The following NETO1 variants were observed in gnomAD, a reference collection of about 807,000 sequenced individuals.
The protein encoded by NETO1 is neuropilin and tolloid like 1.
In NETO1, 26 loss-of-function variants were observed where a neutral mutation model predicts 61.3. The observed-to-expected ratio is 0.42, with a 90% CI of 0.31 to 0.59. The LOEUF (loss-of-function observed/expected upper bound fraction) is 0.59, where lower values mean the gene tolerates loss of function less well. Ranked by LOEUF, NETO1 falls within the 20% of genes least tolerant of loss-of-function variation. The pLI is 0.12. For missense variants in NETO1, 531 were observed against 662.8 expected (o/e 0.80, Z 2.18); for synonymous variants, 225 against 225.8 (o/e 1.00, Z 0.03).
At chr18:72,845,006 C>G (rs1030480238) in intron 4 of NETO1, among the ~76,000 whole-genome samples, 1 of 152,184 alleles carries the variant, frequency 6.6e-6, no homozygotes, top group African/African-American at 2.4e-5. Flanking sequence ...TACGCACATG[C>G]CATGGCGCTC....
intron 7 of NETO1, among the ~76,000 whole-genome samples, chr18:72,776,523 G>A (rs189812935): frequency 6.6e-6 from 1 of 152,292 alleles, no homozygotes; most frequent in Admixed American, 6.5e-5. Context: ...ACTTCTCACT[G>A]TTTTGGAGAC....
chr18:72,800,123 G>C (rs566415373), intron 4 of NETO1, among the ~76,000 whole-genome samples: 1 of 152,348 alleles, frequency 6.6e-6, no homozygotes, highest in East Asian at 1.9e-4. Flanking sequence ...TTTCAGAAGA[G>C]CTTGAGTGTT....
chr18:72,862,753 T>C (rs1049980067), intron 3 of NETO1, among the ~76,000 whole-genome samples: 3 of 151,886 alleles, frequency 2.0e-5, no homozygotes, highest in African/African-American at 4.8e-5. Flanking sequence ...CCTGAGTAGC[T>C]GGGACTACAG....
intron 4 of NETO1, among the ~76,000 whole-genome samples, chr18:72,851,737 TC>T (rs1353241828): frequency 6.6e-6 from 1 of 152,172 alleles, no homozygotes; most frequent in Non-Finnish European, 1.5e-5. Flanking sequence ...AAATCATGTA[TC>T]AGTTAATGGT....
At chr18:72,859,124 G>A (rs1263873825) in intron 3 of NETO1, 50 bp from the exon 4 acceptor site, 1 of 1,505,622 alleles carries the variant, frequency 6.6e-7, no homozygotes. Context: ...ACATCTTCAG[G>A]TTGATGTTTT....
At chr18:72,854,940 T>G (rs2074370603) in intron 4 of NETO1, among the ~76,000 whole-genome samples, 1 of 152,204 alleles carries the variant, frequency 6.6e-6, no homozygotes, top group Admixed American at 6.5e-5. Flanking sequence ...GAGGTAACCG[T>G]TATTGTTTTA....
chr18:72,810,736 C>G (rs1262636690), intron 4 of NETO1, among the ~76,000 whole-genome samples: 1 of 152,128 alleles, frequency 6.6e-6, no homozygotes, highest in African/African-American at 2.4e-5. Context: ...TTCTGTCATT[C>G]AAGAACAAGA....
chr18:72,850,423 A>C (rs867657155), intron 4 of NETO1, among the ~76,000 whole-genome samples: 77 of 152,354 alleles, frequency 5.1e-4, no homozygotes, highest in Non-Finnish European at 2.9e-4. Flanking sequence ...TGGTCTAGAC[A>C]AAGAACACTA....
chr18:72,762,697 A>T (rs2071018512), intron 7 of NETO1, among the ~76,000 whole-genome samples: 1 of 152,164 alleles, frequency 6.6e-6, no homozygotes, highest in East Asian at 1.9e-4. Flanking sequence ...TTAAACCCTC[A>T]TCTATTCCCA....
At chr18:72,836,643 C>A (rs2073758110) in intron 4 of NETO1, among the ~76,000 whole-genome samples, 1 of 152,046 alleles carries the variant, frequency 6.6e-6, no homozygotes, top group Non-Finnish European at 1.5e-5. Context: ...ATTTATATTG[C>A]AAATCGTTTT....
chr18:72,862,165 C>T (rs1381161219), intron 3 of NETO1, among the ~76,000 whole-genome samples: 1 of 152,150 alleles, frequency 6.6e-6, no homozygotes, highest in Non-Finnish European at 1.5e-5. Flanking sequence ...CACCGGGGTG[C>T]CACGGGCATT....
At position 72,772,792 on chromosome 18, in the gene NETO1, GTTCTCTCTCT is replaced by G. The variant is rs1414208600; in HGVS notation, c.868+10876_868+10885del. Among the ~76,000 whole-genome samples the G allele has an allele frequency of 9.3e-4, 38 of 40,668 alleles. 1 individual carries two copies. The highest frequency in any genetic ancestry group is 1.3e-3 in the South Asian group (1 of 744). The allele number at this position is 40,668 out of a possible 152,430, so 26.7% of individuals were successfully genotyped here. A position where few individuals can be genotyped will look rare whatever the true frequency, so the allele number is the denominator to read the frequency against. On this transcript the variant is annotated intron_variant, in intron 7 of 10. Coordinates refer to ENST00000327305, the MANE Select transcript of NETO1 (RefSeq NM_138966.5). ...ATATATATATACAGATCTCTATATAGTTCTCTCTCTCTCTCTCTCTCTCTCTCTCTCTCTA... is the reference window on the plus strand; with the variant it reads ...ATATATATATACAGATCTCTATATAGCTCTCTCTCTCTCTCTCTCTCTCTA...
intron 7 of NETO1, among the ~76,000 whole-genome samples, chr18:72,780,654 T>A (rs935555527): frequency 6.6e-6 from 1 of 152,198 alleles, no homozygotes; most frequent in Non-Finnish European, 1.5e-5. Flanking sequence ...TTCTTTCAAA[T>A]TTTGAATATC....
intron 8 of NETO1, among the ~76,000 whole-genome samples, chr18:72,753,973 G>T (rs1005765687): frequency 4.6e-5 from 7 of 152,146 alleles, no homozygotes; most frequent in African/African-American, 1.7e-4. Context: ...AAGACATACA[G>T]TTATATAAAG....
At chr18:72,781,691 A>G (rs2071746236) in intron 7 of NETO1, among the ~76,000 whole-genome samples, 1 of 152,226 alleles carries the variant, frequency 6.6e-6, no homozygotes, top group Non-Finnish European at 1.5e-5. Flanking sequence ...ACTGTCTAAC[A>G]CACTTAACAT....
chr18:72,775,850 C>G (rs1187266142), intron 7 of NETO1, among the ~76,000 whole-genome samples: 3 of 151,808 alleles, frequency 2.0e-5, no homozygotes, highest in Non-Finnish European at 4.4e-5. Flanking sequence ...TTCAATGAAC[C>G]CTTTTTTTTT....
intron 3 of NETO1, among the ~76,000 whole-genome samples, chr18:72,862,405 C>T (rs1391691776): frequency 6.6e-6 from 1 of 152,192 alleles, no homozygotes; most frequent in Non-Finnish European, 1.5e-5. Context: ...CTCCACTGAG[C>T]TAGAGCTACA....
At chr18:72,819,819 T>G (rs2073137850) in intron 4 of NETO1, among the ~76,000 whole-genome samples, 1 of 152,148 alleles carries the variant, frequency 6.6e-6, no homozygotes, top group Admixed American at 6.5e-5. Flanking sequence ...ATATATACTT[T>G]TTAAATGCAT....
At chr18:72,770,217 CA>C (rs1363033882) in intron 7 of NETO1, among the ~76,000 whole-genome samples, 1 of 151,896 alleles carries the variant, frequency 6.6e-6, no homozygotes, top group Non-Finnish European at 1.5e-5. Context: ...ATTTTGGCCC[CA>C]TTTTCTATTA....
Sources: allele counts gnomAD v4.1 joint callset (sites outside exome capture counted in the v4.1 genomes callset), GRCh38; gene constraint gnomAD v4.1.1; transcripts MANE v1.5; gene names NCBI Gene and HGNC (gene_info 2026-07-23, HGNC 2026-07-21).